ATP11B: variants seen among roughly 807,000 people sequenced by gnomAD.
ATP11B encodes ATPase phospholipid transporting 11B (putative).
Under a neutral mutation model 157.8 loss-of-function variants are expected in ATP11B, and 81 were observed. The observed-to-expected ratio is 0.51, with a 90% CI of 0.43 to 0.62. ATP11B has a LOEUF of 0.62. ATP11B is among the 20% of genes least tolerant of loss of function. ATP11B has a pLI of 0.00. For missense variants in ATP11B, 1,165 were observed against 1,402.2 expected, an observed-to-expected ratio of 0.83 and a Z score of 2.70; for synonymous variants, 451 against 469.4, an observed-to-expected ratio of 0.96 and a Z score of 0.51.
At chr3:182,811,036 A>G (rs1428860575) in intron 1 of ATP11B, among the ~76,000 whole-genome samples, 1 of 151,972 alleles carries the variant, frequency 6.6e-6, no homozygotes, top group Non-Finnish European at 1.5e-5. Context: ...CATTTATATT[A>G]AATAAAATCT....
chr3:182,797,562 G>T (rs546874364), intron 1 of ATP11B, among the ~76,000 whole-genome samples: 50 of 152,162 alleles, frequency 3.3e-4, no homozygotes, highest in Non-Finnish European at 5.4e-4. Flanking sequence ...CCGAAAATTT[G>T]CCTGGCGTGG....
chr3:182,907,497 T>G (rs1337804799), intron 28 of ATP11B, among the ~76,000 whole-genome samples: 1 of 152,256 alleles, frequency 6.6e-6, no homozygotes, highest in Admixed American at 6.5e-5. Flanking sequence ...TAATCAACTC[T>G]GTTATTAAAT....
chr3:182,917,785 T>C, intron 29 of ATP11B: 3 of 985,038 alleles, frequency 3.0e-6, no homozygotes, highest in Non-Finnish European at 3.6e-6. Context: ...TTAATGCTAA[T>C]GAATGTTTGA....
chr3:182,861,918 T>C (rs1273930138), intron 12 of ATP11B, among the ~76,000 whole-genome samples: 2 of 142,022 alleles, frequency 1.4e-5, no homozygotes, highest in African/African-American at 2.6e-5. Flanking sequence ...CACTCCAGCC[T>C]GGGCAACAGA....
intron 29 of ATP11B, 111 bp downstream of exon 29, chr3:182,914,105 A>C: frequency 6.5e-7 from 1 of 1,536,542 alleles, no homozygotes; most frequent in Non-Finnish European, 8.7e-7. Flanking sequence ...TACCAACTGA[A>C]GCAGGAAGTC....
chr3:182,837,657 C>T (rs1266046550), intron 7 of ATP11B, among the ~76,000 whole-genome samples: 1 of 151,928 alleles, frequency 6.6e-6, no homozygotes, highest in Non-Finnish European at 1.5e-5. Context: ...AAATAATTTT[C>T]TATAAATATA....
At chr3:182,842,372 C>T (rs1442628646) in intron 8 of ATP11B, among the ~76,000 whole-genome samples, 1 of 152,082 alleles carries the variant, frequency 6.6e-6, no homozygotes, top group African/African-American at 2.4e-5. Flanking sequence ...TTTATCATAT[C>T]CTTTATAATA....
At chr3:182,890,990 A>T (rs532487959) in intron 25 of ATP11B, among the ~76,000 whole-genome samples, 1 of 152,318 alleles carries the variant, frequency 6.6e-6, no homozygotes, top group African/African-American at 2.4e-5. Flanking sequence ...ATACATATGT[A>T]ACAAACCTGC....
intron 1 of ATP11B, 79 bp from the exon 2 acceptor site, chr3:182,820,181 C>A: frequency 1.1e-6 from 1 of 924,680 alleles, no homozygotes; most frequent in Non-Finnish European, 1.8e-6. Flanking sequence ...ATCTGACCAG[C>A]TAAATAAAGC....
chr3:182,793,833 C>G, intron 1 of ATP11B, 47 bp downstream of exon 1: 2 of 1,232,640 alleles, frequency 1.6e-6, no homozygotes, highest in Non-Finnish European at 2.1e-6. Context: ...CCCCGCGGGG[C>G]CTCTCGGCCC....
At chr3:182,911,950 G>A (rs1454197968) in intron 28 of ATP11B, among the ~76,000 whole-genome samples, 1 of 152,132 alleles carries the variant, frequency 6.6e-6, no homozygotes, top group Non-Finnish European at 1.5e-5. Flanking sequence ...GCCCCGACAC[G>A]TTGCCCACAG....
At chr3:182,796,086 G>A (rs1404920507) in intron 1 of ATP11B, among the ~76,000 whole-genome samples, 1 of 152,138 alleles carries the variant, frequency 6.6e-6, no homozygotes, top group Non-Finnish European at 1.5e-5. Flanking sequence ...AAAAAAAAGT[G>A]TGACTCCTTA....
chr3:182,795,466 A>G (rs1298295117), intron 1 of ATP11B, among the ~76,000 whole-genome samples: 2 of 152,216 alleles, frequency 1.3e-5, no homozygotes, highest in Non-Finnish European at 2.9e-5. Context: ...AAAACCTGGT[A>G]ATGTTTTTTA....
chr3:182,909,378 AG>A (rs1237713652), intron 28 of ATP11B, among the ~76,000 whole-genome samples: 1 of 152,214 alleles, frequency 6.6e-6, no homozygotes, highest in Non-Finnish European at 1.5e-5. Flanking sequence ...TGTGGTGGAA[AG>A]TGAGGCTTAC....
At chr3:182,834,222 TTAAA>T (rs1193901184) in intron 4 of ATP11B, among the ~76,000 whole-genome samples, 1 of 152,248 alleles carries the variant, frequency 6.6e-6, no homozygotes, top group Non-Finnish European at 1.5e-5. Flanking sequence ...ATACTGCAAC[TTAAA>T]TAAGGCCAAC....
chr3:182,901,340 C>CAAAAAA (rs1226647966), intron 28 of ATP11B, among the ~76,000 whole-genome samples: 3 of 49,248 alleles, frequency 6.1e-5, no homozygotes, highest in Admixed American at 4.0e-4. Flanking sequence ...CTCCGTCTCA[C>CAAAAAA]AAAAAAAAAA....
intron 8 of ATP11B, chr3:182,843,687 A>G (rs2108517419): frequency 6.6e-6 from 1 of 152,308 alleles, no homozygotes; most frequent in Non-Finnish European, 1.5e-5. Flanking sequence ...CGTTAACCTT[A>G]TTTGGAATCA....
chr3:182,856,946 A>C (rs1382429169), intron 10 of ATP11B, among the ~76,000 whole-genome samples: 1 of 152,200 alleles, frequency 6.6e-6, no homozygotes, highest in Non-Finnish European at 1.5e-5. Context: ...TTGAATTTAT[A>C]ATGATGAGTT....
intron 10 of ATP11B, among the ~76,000 whole-genome samples, chr3:182,854,326 C>T (rs773412559): frequency 4.0e-5 from 6 of 151,856 alleles, no homozygotes; most frequent in South Asian, 2.1e-4. Flanking sequence ...AAAAATTAGC[C>T]GGGCATGGTG....
Sources: gnomAD v4.1 joint callset for allele counts (sites outside exome capture counted in the v4.1 genomes callset) on GRCh38, gnomAD v4.1.1 for gene constraint, MANE v1.5 for transcripts, NCBI Gene and HGNC (gene_info 2026-07-23, HGNC 2026-07-21) for gene names.